The following AFF1 variants were observed in gnomAD, a reference collection of about 807,000 sequenced individuals.
The protein encoded by AFF1 is ALF transcription elongation factor 1.
A neutral mutation model predicts 121.7 loss-of-function variants in AFF1; 48 were observed. The observed-to-expected ratio is 0.39, with a 90% CI of 0.31 to 0.50. The LOEUF (loss-of-function observed/expected upper bound fraction) is 0.50. AFF1 is among the 20% of genes least tolerant of loss of function. The pLI, the probability that AFF1 is intolerant of heterozygous loss-of-function variation, is 0.76. For synonymous variants in AFF1, 613 were observed against 563.0 expected (o/e 1.09, Z -1.26); for missense variants, 1,523 against 1,511.7 (o/e 1.01, Z -0.12).
chr4:87,060,835 C>CAAAAAAAAAAAAA (rs749186199), intron 4 of AFF1, among the ~76,000 whole-genome samples: 36 of 62,242 alleles, frequency 5.8e-4, no homozygotes, highest in Non-Finnish European at 6.7e-4. Context: ...GACTCTGTCT[C>CAAAAAAAAAAAAA]AAAAAAAAAA....
intron 2 of AFF1, among the ~76,000 whole-genome samples, chr4:87,015,770 A>C (rs940102203): frequency 1.3e-5 from 2 of 152,220 alleles, no homozygotes; most frequent in Non-Finnish European, 2.9e-5. Flanking sequence ...GCTTTATAAA[A>C]ATTCTTGACA....
intron 2 of AFF1, among the ~76,000 whole-genome samples, chr4:86,955,048 C>G (rs1472673442): frequency 6.6e-6 from 1 of 152,092 alleles, no homozygotes; most frequent in Non-Finnish European, 1.5e-5. Flanking sequence ...TTTTGTTCCA[C>G]CTTGTGACTG....
chr4:87,067,667 A>G (rs940829330), intron 4 of AFF1, among the ~76,000 whole-genome samples: 1 of 152,228 alleles, frequency 6.6e-6, no homozygotes, highest in Non-Finnish European at 1.5e-5. Context: ...GCTTTCAGAT[A>G]GAGACTTGAG....
In AFF1 at chr4:87,063,274, T is replaced by C. The variant is rs962670013; in HGVS notation, c.1059+15680T>C. 2.8e-4 allele frequency among the ~76,000 whole-genome samples: 36 copies of C among 130,216 alleles called. 1 individual carries two copies. The highest frequency in any genetic ancestry group is 8.8e-4 in the African/African-American group (32 of 36,484). The allele number at this position is 130,216 out of a possible 152,430, so 85.4% of individuals were successfully genotyped here. A position where few individuals can be genotyped will look rare whatever the true frequency, so the allele number is the denominator to read the frequency against. On this transcript the variant is annotated intron_variant, in intron 4 of 20. Transcript: ENST00000395146. ...TTTTTTTTGAGACAGAGTTTTGCTC[T>C]TGTTGCCCAGGCTGGAGTGCAATGG...
At position 87,134,879 on chromosome 4, in the gene AFF1, G is replaced by A. The variant is rs143586204; in HGVS notation, c.3535+185G>A. On this transcript the variant is annotated intron_variant, in intron 20 of 20. Coordinates refer to ENST00000395146, the MANE Select transcript of AFF1 (RefSeq NM_001166693.3). ...GGTTGTTCCTTGAGCACTGTGGCATGGAGCTGAGTTTCTGTGGCTAGATCT... is the reference window on the plus strand; with the variant it reads ...GGTTGTTCCTTGAGCACTGTGGCATAGAGCTGAGTTTCTGTGGCTAGATCT... 6.8e-3 allele frequency among the ~76,000 whole-genome samples: 1,028 copies of A among 152,296 alleles called. 13 individuals are homozygous for A. Among genetic ancestry groups the A allele is most frequent in the African/African-American group, 0.023 (976 of 41,556 alleles).
intron 4 of AFF1, among the ~76,000 whole-genome samples, chr4:87,065,182 A>G (rs1721213158): frequency 6.6e-6 from 1 of 152,250 alleles, no homozygotes. Context: ...TCACAGTTCC[A>G]CATGGAAGCC....
At position 87,046,234 on chromosome 4, in the gene AFF1, A is replaced by G. The variant is rs1730676865; in HGVS notation, c.107A>G (p.Gln36Arg). The change falls in exon 3 of 21, where the codon CAA (glutamine) becomes CGA (arginine). Residue 36 changes from glutamine to arginine, a missense_variant. By Grantham distance (43) the Gln-to-Arg change is conservative. Around this residue, in one of 5 missense-constraint regions of AFF1, gnomAD observed 369 missense variants for 367.2 expected, o/e 1.00. Transcript: ENST00000395146. ...EKERRNQEAH[Q>R]EKEAFPEKIP... The stretch of plus-strand genomic sequence containing the variant: ...GAAAGACGCAACCAGGAAGCCCACC[A>G]AGAGAAAGAGGCATTTCCTGAAAAG... The G allele has an allele frequency of 6.2e-7, 1 of 1,614,000 alleles. No homozygotes were observed. The highest frequency in any genetic ancestry group is 8.5e-7 in the Non-Finnish European group (1 of 1,179,962).
At chr4:86,956,766 T>A (rs1721770664) in intron 2 of AFF1, among the ~76,000 whole-genome samples, 1 of 152,252 alleles carries the variant, frequency 6.6e-6, no homozygotes, top group Admixed American at 6.5e-5. Context: ...TCCTTTTTAT[T>A]GCTAAATAAT....
intron 4 of AFF1, among the ~76,000 whole-genome samples, chr4:87,070,785 T>C (rs925239642): frequency 1.3e-5 from 2 of 152,258 alleles, no homozygotes; most frequent in Non-Finnish European, 2.9e-5. Flanking sequence ...AATTTCAGTG[T>C]ACTTCTAGCT....
At chr4:87,002,343 A>ACCTCAGTCT (rs1483395608) in intron 2 of AFF1, among the ~76,000 whole-genome samples, 1 of 147,822 alleles carries the variant, frequency 6.8e-6, no homozygotes, top group East Asian at 2.0e-4. Flanking sequence ...TGATCCTCCC[A>ACCTCAGTCT]CCTCAGTCTC....
chr4:87,061,708 CTG>C (rs1329234332), intron 4 of AFF1, among the ~76,000 whole-genome samples: 11 of 152,292 alleles, frequency 7.2e-5, no homozygotes, highest in African/African-American at 2.6e-4. Context: ...ATCCCTGTAA[CTG>C]TTAATGTTCT....
At chr4:87,028,202 G>T (rs1728719751) in intron 2 of AFF1, among the ~76,000 whole-genome samples, 1 of 151,966 alleles carries the variant, frequency 6.6e-6, no homozygotes. Flanking sequence ...TTGTTGCTGT[G>T]TCCATCCATT....
At chr4:87,058,904 G>A (rs560108643) in intron 4 of AFF1, among the ~76,000 whole-genome samples, 129 of 152,204 alleles carry the variant, frequency 8.5e-4, no homozygotes, top group African/African-American at 2.3e-3. Flanking sequence ...GGATGAATTC[G>A]AGGAATGCTC....
Position 87,114,882 on chromosome 4 carries a change from C to G in AFF1, c.2049C>G (p.Leu683=), listed in dbSNP as rs752741168. The change falls in exon 12 of 21, where the codon CTC becomes CTG. Residue 683 remains leucine (L), a synonymous_variant. Coordinates refer to ENST00000395146, the MANE Select transcript of AFF1 (RefSeq NM_001166693.3). ...AGAAGAAGAAGCACAAGAGCTCCCT[C>G]CCTGCCCCCTCTAAGGCTCTCTCAG... ...SSEKKKHKSS[L]PAPSKALSGP... is the part of the protein sequence containing the mutation. 4 of 1,613,378 alleles carry G rather than the reference C, an allele frequency of 2.5e-6. No homozygotes were observed. Among genetic ancestry groups the G allele is most frequent in the Non-Finnish European group, 3.4e-6 (4 of 1,179,788 alleles).
intron 4 of AFF1, among the ~76,000 whole-genome samples, chr4:87,060,711 C>T (rs569539577): frequency 4.6e-5 from 7 of 151,720 alleles, no homozygotes; most frequent in African/African-American, 1.5e-4. Flanking sequence ...TGGTGGCAGG[C>T]GCCTGTACTC....
At chr4:87,130,321 T>G (rs191680695) in intron 16 of AFF1, among the ~76,000 whole-genome samples, 1 of 152,198 alleles carries the variant, frequency 6.6e-6, no homozygotes, top group Non-Finnish European at 1.5e-5. Flanking sequence ...AAGCAGAAAT[T>G]ACAAATGCTA....
At chr4:87,030,773 C>T (rs1728994459) in intron 2 of AFF1, among the ~76,000 whole-genome samples, 1 of 151,428 alleles carries the variant, frequency 6.6e-6, no homozygotes, top group Non-Finnish European at 1.5e-5. Context: ...GGCCAGACTT[C>T]ACAGCAAAGC....
At chr4:86,976,077 A>G (rs1388698659) in intron 2 of AFF1, among the ~76,000 whole-genome samples, 1 of 152,182 alleles carries the variant, frequency 6.6e-6, no homozygotes, top group Non-Finnish European at 1.5e-5. Flanking sequence ...TGTTAAGTTC[A>G]ATGATGGAGG....
rs1239285854 is a variant in AFF1, at chr4:87,064,920, TC to T, written c.1059+17329del. On this transcript the variant is annotated intron_variant, in intron 4 of 20. Coordinates refer to ENST00000395146, the MANE Select transcript of AFF1 (RefSeq NM_001166693.3). Reference sequence around the variant, plus strand: ...CGGGTGTTGTGGCATGCACCTGCGGTCCCAGCTGCTCAGGAGGCTGAGGTAG... The same window carrying T: ...CGGGTGTTGTGGCATGCACCTGCGGTCCAGCTGCTCAGGAGGCTGAGGTAG... 6.0e-5 allele frequency among the ~76,000 whole-genome samples: 9 copies of T among 149,196 alleles called. No homozygotes were observed. The East Asian group carries it at 1.6e-3, about 26-fold the overall frequency.
Sources: gnomAD v4.1 joint callset for allele counts (sites outside exome capture counted in the v4.1 genomes callset) on GRCh38, gnomAD v4.1.1 for gene constraint, gnomAD v4.1.1 regional missense constraint, MANE v1.5 for transcripts, NCBI Gene and HGNC (gene_info 2026-07-23, HGNC 2026-07-21) for gene names.